AKR1B1: variants seen among roughly 807,000 people sequenced by gnomAD.
AKR1B1 encodes aldo-keto reductase family 1 member B1.
A neutral mutation model predicts 40.4 loss-of-function variants in AKR1B1; 22 were observed. The ratio of observed to expected loss-of-function variants is 0.54; its 90% CI spans 0.39 to 0.78. The LOEUF is 0.78. AKR1B1 is among the 30% of genes least tolerant of loss of function. AKR1B1 has a pLI of 0.00. For synonymous variants in AKR1B1, 157 were observed against 149.9 expected (o/e 1.05, Z -0.35); for missense variants, 357 against 396.7 (o/e 0.90, Z 0.85).
Position 134,450,963 on chromosome 7 carries a change from AAGAC to A in AKR1B1, c.235-65_235-62del, listed in dbSNP as rs763592542. 1.4e-5 allele frequency: 20 copies of A among 1,385,380 alleles called. No individual in the cohort carries two copies. In the African/African-American group the frequency reaches 1.7e-4, roughly 12 times the overall value. The allele number at this position is 1,385,380 out of a possible 1,614,324, so 85.8% of individuals were successfully genotyped here. A position where few individuals can be genotyped will look rare whatever the true frequency, so the allele number is the denominator to read the frequency against. ...GCCACAAGGCAGCTTCCTGGCTGGA[AAGAC>A]AGAGCAGTCTCCTCTCCCCAAAACC... On this transcript the variant is annotated intron_variant, in intron 2 of 9. Transcript: ENST00000285930.
At chr7:134,449,539 A>G in intron 4 of AKR1B1, 181 bp downstream of exon 4, 1 of 641,312 alleles carries the variant, frequency 1.6e-6, no homozygotes, top group Non-Finnish European at 2.8e-6. Context: ...GTGAGCCGAG[A>G]TTGTGCCACT....
chr7:134,459,063 GGCT>G lies in AKR1B1; in HGVS notation c.-4_-2del, dbSNP rs756534266. On this transcript the variant is annotated 5_prime_UTR_variant, in exon 1 of 10. Transcript: ENST00000285930. ...TGTTGAGCAGGAGACGGCTTGCCAT[GGCT>G]GCTGCGCTCCCCAGACCCCCGCCCA... The G allele has an allele frequency of 1.9e-6, 3 of 1,602,558 alleles. No homozygotes were observed. The highest frequency in any genetic ancestry group is 1.1e-5 in the South Asian group (1 of 88,552).
At chr7:134,445,397 T>A (rs1335030574) in intron 8 of AKR1B1, 77 bp from the exon 9 acceptor site, 1 of 1,221,852 alleles carries the variant, frequency 8.2e-7, no homozygotes, top group African/African-American at 1.5e-5. Context: ...GACCCAGATG[T>A]CTTCCATGGC....
intron 2 of AKR1B1, 42 bp from the exon 3 acceptor site, chr7:134,450,944 A>C (rs1225647620): frequency 1.3e-6 from 2 of 1,538,442 alleles, no homozygotes; most frequent in East Asian, 4.5e-5. Flanking sequence ...GCCAGCCACA[A>C]GGCAGCTTCC....
At chr7:134,458,886 G>T in intron 1 of AKR1B1, 111 bp downstream of exon 1, 1 of 1,292,302 alleles carries the variant, frequency 7.7e-7, no homozygotes, top group Non-Finnish European at 1.1e-6. Context: ...CTCCCAGCAC[G>T]CCGGGCGTCC....
In AKR1B1 at chr7:134,449,375, A is replaced by T. The variant is rs1056306470; in HGVS notation, c.430-256T>A. The T allele has an allele frequency of 7.0e-6, 4 of 572,314 alleles. No homozygotes were observed. In the East Asian group the frequency reaches 9.2e-5, roughly 13 times the overall value. The allele number at this position is 572,314 out of a possible 1,614,324, so 35.5% of individuals were successfully genotyped here. A position where few individuals can be genotyped will look rare whatever the true frequency, so the allele number is the denominator to read the frequency against. On this transcript the variant is annotated intron_variant, in intron 4 of 9. Transcript: ENST00000285930. ...GCTGAGGCGGGCGGATCACGAGGTC[A>T]GGAGATCAAGACCATCCTGGCTAAC... is the stretch of plus-strand genomic sequence containing the variant.
intron 8 of AKR1B1, 71 bp downstream of exon 8, chr7:134,447,227 G>A: frequency 7.5e-7 from 1 of 1,326,822 alleles, no homozygotes; most frequent in East Asian, 2.3e-5. Context: ...ACACTCCAGA[G>A]ACAGGATGAG....
At chr7:134,452,512 A>C (rs750504171) in intron 1 of AKR1B1, among the ~76,000 whole-genome samples, 1 of 152,216 alleles carries the variant, frequency 6.6e-6, no homozygotes, top group Non-Finnish European at 1.5e-5. Flanking sequence ...AAGCCACCTG[A>C]CCATCTGAGT....
At chr7:134,443,967 T>G (rs2117445101) in intron 9 of AKR1B1, among the ~76,000 whole-genome samples, 1 of 152,146 alleles carries the variant, frequency 6.6e-6, no homozygotes, top group South Asian at 2.1e-4. Flanking sequence ...GAACAGAAGT[T>G]TCTAGCACAA....
intron 3 of AKR1B1, among the ~76,000 whole-genome samples, 154 bp downstream of exon 3, chr7:134,450,632 C>A (rs544693695): frequency 1.5e-4 from 23 of 152,322 alleles, no homozygotes; most frequent in African/African-American, 5.3e-4. Flanking sequence ...TTCTAAGACG[C>A]TCCCAGGTGA....
intron 1 of AKR1B1, 183 bp from the exon 2 acceptor site, chr7:134,451,936 G>C (rs998098575): frequency 2.9e-6 from 2 of 678,746 alleles, no homozygotes; most frequent in Non-Finnish European, 5.3e-6. Context: ...GGAAGTGAAA[G>C]GCCACACAGC....
At position 134,459,048 on chromosome 7, in the gene AKR1B1, G is replaced by A. The variant is rs748045958; in HGVS notation, c.15C>T (p.Leu5=). Residue 5 remains leucine, a synonymous_variant, in exon 1 of 10, where the codon CTC becomes CTT. Coordinates refer to ENST00000285930, the MANE Select transcript of AKR1B1 (RefSeq NM_001628.4). ...GCATCTTGGCGCCGTTGTTGAGCAGGAGACGGCTTGCCATGGCTGCTGCGC... is the reference window on the plus strand; with the variant it reads ...GCATCTTGGCGCCGTTGTTGAGCAGAAGACGGCTTGCCATGGCTGCTGCGC... The part of the protein sequence containing the change: MASR[L]LLNNGAKMPI... 6.2e-7 allele frequency: 1 copy of A among 1,606,702 alleles called. No homozygotes were observed. Among genetic ancestry groups the A allele is most frequent in the African/African-American group, 1.3e-5 (1 of 74,906 alleles).
chr7:134,450,963 A>C, intron 2 of AKR1B1, 61 bp from the exon 3 acceptor site: 1 of 1,385,498 alleles, frequency 7.2e-7, no homozygotes, highest in Non-Finnish European at 1.0e-6. Flanking sequence ...CCTGGCTGGA[A>C]AGACAGAGCA....
At chr7:134,452,936 G>C (rs1343231391) in intron 1 of AKR1B1, among the ~76,000 whole-genome samples, 1 of 152,172 alleles carries the variant, frequency 6.6e-6, no homozygotes, top group African/African-American at 2.4e-5. Flanking sequence ...GGTTAAGAGG[G>C]GACGACCCTC....
intron 1 of AKR1B1, among the ~76,000 whole-genome samples, chr7:134,457,112 T>C (rs1413494888): frequency 2.0e-5 from 3 of 150,496 alleles, no homozygotes; most frequent in Admixed American, 6.7e-5. Context: ...CACTCCAGCC[T>C]GGGTGACACT....
intron 9 of AKR1B1, chr7:134,445,016 G>A: frequency 1.6e-6 from 1 of 621,100 alleles, no homozygotes; most frequent in Non-Finnish European, 2.9e-6. Context: ...GGCCAACAAT[G>A]CCCCAGGGCT....
At chr7:134,457,135 C>CAAA (rs11417418) in intron 1 of AKR1B1, among the ~76,000 whole-genome samples, 20 of 138,024 alleles carry the variant, frequency 1.4e-4, no homozygotes, top group Non-Finnish European at 2.3e-4. Context: ...GCCCCTGTCT[C>CAAA]AAAAAAAAAA....
At chr7:134,455,431 G>A (rs943070864) in intron 1 of AKR1B1, among the ~76,000 whole-genome samples, 1 of 152,200 alleles carries the variant, frequency 6.6e-6, no homozygotes, top group African/African-American at 2.4e-5. Flanking sequence ...TATTCTGTGA[G>A]CATACATAGG....
At chr7:134,447,621 T>G (rs999826873) in intron 7 of AKR1B1, 1 of 629,508 alleles carries the variant, frequency 1.6e-6, no homozygotes. Flanking sequence ...AGGCATATCA[T>G]GAGACCACAT....
Sources: allele counts gnomAD v4.1 joint callset (sites outside exome capture counted in the v4.1 genomes callset), GRCh38; gene constraint gnomAD v4.1.1; transcripts MANE v1.5; gene names NCBI Gene and HGNC (gene_info 2026-07-23, HGNC 2026-07-21).